The following OR1F1 variants were observed in gnomAD, a reference collection of about 807,000 sequenced individuals.
The protein encoded by OR1F1 is olfactory receptor 1F1.
For synonymous variants in OR1F1, 184 were observed against 156.7 expected (o/e 1.17, Z -1.30); for missense variants, 493 against 376.3 (o/e 1.31, Z -2.57).
chr16:3,196,939 C>T, the OR1F1 span, among the ~76,000 whole-genome samples: 1 of 151,972 alleles, frequency 6.6e-6, no homozygotes, highest in South Asian at 2.1e-4. Flanking sequence ...TGCAGTGGTG[C>T]AATCTCAGCT....
At chr16:3,189,356 C>T in the OR1F1 span, among the ~76,000 whole-genome samples, 1 of 152,290 alleles carries the variant, frequency 6.6e-6, no homozygotes, top group South Asian at 2.1e-4. Flanking sequence ...CTGCGCGCCT[C>T]GGAGACGCCG....
At chr16:3,204,937 A>G in exon 1 of OR1F1, 1 of 1,614,146 alleles carries the variant, frequency 6.2e-7, no homozygotes, top group South Asian at 1.1e-5. Flanking sequence ...GGTCCCATCC[A>G]CAAAGGGAAG....
At chr16:3,198,969 C>G in the OR1F1 span, among the ~76,000 whole-genome samples, 1 of 151,326 alleles carries the variant, frequency 6.6e-6, no homozygotes, top group South Asian at 2.1e-4. Flanking sequence ...AAAACGAAAA[C>G]AAAAACAAAA....
At chr16:3,199,339 T>C (rs1427987733), upstream of OR1F1, among the ~76,000 whole-genome samples, 2 of 151,238 alleles carry the variant, frequency 1.3e-5, no homozygotes, top group Non-Finnish European at 2.9e-5. Flanking sequence ...AAAATAAAAA[T>C]ATATAATAAA....
chr16:3,198,362 G>A, the OR1F1 span, among the ~76,000 whole-genome samples: 1 of 152,140 alleles, frequency 6.6e-6, no homozygotes, highest in Non-Finnish European at 1.5e-5. Flanking sequence ...TAGCTGGTGT[G>A]CCATCTGGCT....
chr16:3,197,698 A>G, the OR1F1 span, among the ~76,000 whole-genome samples: 1 of 146,600 alleles, frequency 6.8e-6, no homozygotes, highest in African/African-American at 2.5e-5. Flanking sequence ...GGAGAGGGAG[A>G]GGGAGAAGGA....
the OR1F1 span, among the ~76,000 whole-genome samples, chr16:3,193,207 C>T: frequency 1.3e-5 from 2 of 152,186 alleles, no homozygotes; most frequent in South Asian, 2.1e-4. Context: ...ATTACTGGCG[C>T]GAGCCTCCAC....
At chr16:3,195,064 C>T in the OR1F1 span, among the ~76,000 whole-genome samples, 1 of 152,208 alleles carries the variant, frequency 6.6e-6, no homozygotes, top group Non-Finnish European at 1.5e-5. Context: ...GGCCCCGTGT[C>T]CCCCGGAGCA....
chr16:3,189,999 C>G, the OR1F1 span, among the ~76,000 whole-genome samples: 1 of 152,088 alleles, frequency 6.6e-6, no homozygotes, highest in Non-Finnish European at 1.5e-5. Flanking sequence ...AAACTCGAGG[C>G]ACCGAAGAAG....
At chr16:3,201,809 A>G (rs1164690269), upstream of OR1F1, among the ~76,000 whole-genome samples, 1 of 152,150 alleles carries the variant, frequency 6.6e-6, no homozygotes, top group Non-Finnish European at 1.5e-5. Flanking sequence ...AGTGACACCC[A>G]GGCGTCACTG....
At chr16:3,192,304 C>T in the OR1F1 span, among the ~76,000 whole-genome samples, 1 of 152,226 alleles carries the variant, frequency 6.6e-6, no homozygotes, top group African/African-American at 2.4e-5. Flanking sequence ...CCGCCCGCCT[C>T]GGCCTCCCAA....
upstream of OR1F1, among the ~76,000 whole-genome samples, chr16:3,200,493 A>G (rs1258020354): frequency 6.6e-6 from 1 of 151,604 alleles, no homozygotes; most frequent in Admixed American, 6.6e-5. Context: ...TGTAATCCCA[A>G]CTACTCGGGA....
the OR1F1 span, among the ~76,000 whole-genome samples, chr16:3,196,653 GC>G: frequency 5.0e-3 from 754 of 151,332 alleles, 4 homozygotes; most frequent in African/African-American, 0.017. Flanking sequence ...CTCCCAAAGT[GC>G]TGGGATTACA....
chr16:3,190,782 G>T, the OR1F1 span, among the ~76,000 whole-genome samples: 10 of 145,200 alleles, frequency 6.9e-5, no homozygotes, highest in Admixed American at 2.7e-4. Context: ...CGCAAAACAA[G>T]GTATCATGAA....
chr16:3,193,540 C>G, the OR1F1 span, among the ~76,000 whole-genome samples: 2 of 152,226 alleles, frequency 1.3e-5, no homozygotes, highest in East Asian at 1.9e-4. Context: ...AGTTTTCTCT[C>G]GTTCACTATG....
the OR1F1 span, among the ~76,000 whole-genome samples, chr16:3,191,842 T>C: frequency 4.6e-5 from 7 of 152,060 alleles, no homozygotes; most frequent in African/African-American, 1.7e-4. Flanking sequence ...CTCCCCACTT[T>C]GTGCGGTGCG....
chr16:3,205,082 C>G lies in OR1F1; in HGVS notation c.836C>G (p.Thr279Arg), dbSNP rs750521478. ...GACACTATGGCTACTGTGTTGTATA[C>G]AGTAGTGACTCCCATGCTAAACCCT... Residue 279 changes from threonine (T) to arginine (R), a missense_variant, in exon 1 of 1, where the codon ACA becomes AGA. Transcript: ENST00000304646. The G allele has an allele frequency of 2.5e-6, 4 of 1,614,024 alleles. No homozygotes were observed. The East Asian group carries it at 6.7e-5, about 27-fold the overall frequency.
At chr16:3,195,921 G>A in the OR1F1 span, among the ~76,000 whole-genome samples, 17 of 152,160 alleles carry the variant, frequency 1.1e-4, no homozygotes. Flanking sequence ...ACCTGGGTGC[G>A]CAGCCCCACC....
upstream of OR1F1, among the ~76,000 whole-genome samples, chr16:3,200,028 A>AG (rs575348025): frequency 6.6e-5 from 10 of 151,336 alleles, no homozygotes; most frequent in African/African-American, 2.4e-4. Flanking sequence ...AAAAAAAAAA[A>AG]GAAGAAGAAC....
Sources: gnomAD v4.1 joint callset for allele counts (sites outside exome capture counted in the v4.1 genomes callset) on GRCh38, gnomAD v4.1.1 for gene constraint, MANE v1.5 for transcripts, NCBI Gene and HGNC (gene_info 2026-07-23, HGNC 2026-07-21) for gene names.